The following EPRS1 variants were observed in gnomAD, a reference collection of about 807,000 sequenced individuals.
The protein encoded by EPRS1 is bifunctional glutamate/proline--tRNA ligase.
EPRS1 carries 107 observed loss-of-function variants against 188.3 expected under a neutral mutation model. That is an observed-to-expected ratio of 0.57 (90% CI 0.49 to 0.67). EPRS1 has a LOEUF of 0.67. EPRS1 is among the 30% of genes least tolerant of loss of function. The pLI, the probability that EPRS1 is intolerant of heterozygous loss-of-function variation, is 0.00. For synonymous variants in EPRS1, 596 were observed against 593.1 expected, an observed-to-expected ratio of 1.00 and a Z score of -0.07; for missense variants, 1,577 against 1,802.2, an observed-to-expected ratio of 0.88 and a Z score of 2.26.
intron 12 of EPRS1, among the ~76,000 whole-genome samples, chr1:220,011,548 G>A (rs1661604691): frequency 6.6e-6 from 1 of 152,090 alleles, no homozygotes; most frequent in Non-Finnish European, 1.5e-5. Flanking sequence ...ACTATAATAA[G>A]GCAATTCTAT....
intron 29 of EPRS1, 75 bp downstream of exon 29, chr1:219,973,163 A>C: frequency 1.5e-6 from 2 of 1,368,068 alleles, no homozygotes; most frequent in Non-Finnish European, 2.0e-6. Context: ...GGGCAACCCC[A>C]AAAATTCCTT....
intron 21 of EPRS1, 69 bp from the exon 22 acceptor site, chr1:219,983,467 T>G: frequency 9.0e-7 from 1 of 1,115,200 alleles, no homozygotes; most frequent in African/African-American, 1.6e-5. Flanking sequence ...GGCAAGAGTA[T>G]GATAACCAAA....
intron 12 of EPRS1, among the ~76,000 whole-genome samples, chr1:220,013,618 T>C (rs1035144566): frequency 1.3e-5 from 2 of 152,196 alleles, no homozygotes; most frequent in African/African-American, 4.8e-5. Context: ...CGGCGCTAAA[T>C]TTAGTTCACT....
chr1:219,991,525 G>A (rs1240676208), intron 18 of EPRS1, among the ~76,000 whole-genome samples: 1 of 152,162 alleles, frequency 6.6e-6, no homozygotes. Context: ...AGTGAGGGAA[G>A]AGAGTGATGA....
chr1:220,041,318 C>T (rs558177624), intron 1 of EPRS1, among the ~76,000 whole-genome samples: 7 of 150,154 alleles, frequency 4.7e-5, no homozygotes, highest in South Asian at 2.1e-4. Flanking sequence ...AATGACACAG[C>T]GAAACTGTCT....
chr1:220,041,078 C>A (rs1014367529), intron 1 of EPRS1, among the ~76,000 whole-genome samples: 17 of 152,054 alleles, frequency 1.1e-4, no homozygotes, highest in African/African-American at 3.4e-4. Flanking sequence ...AGCCTATAAT[C>A]CCAGCACTTT....
rs575772458 is a variant in EPRS1 at position 220,009,877 on chromosome 1, T to A, written c.1605+1069A>T. Among the ~76,000 whole-genome samples, 5 of 152,068 alleles carry A rather than the reference T, an allele frequency of 3.3e-5. No homozygotes were observed. In the East Asian group the frequency reaches 9.7e-4, roughly 29 times the overall value. The stretch of plus-strand genomic sequence containing the variant: ...GGGAGGATGAGGCAAGCAGATCATT[T>A]GAGGCCAGGAGTTCAAGACCAGCCT... On this transcript the variant is annotated intron_variant, in intron 13 of 31. Coordinates refer to ENST00000366923, the MANE Select transcript of EPRS1 (RefSeq NM_004446.3).
intron 8 of EPRS1, 68 bp from the exon 9 acceptor site, chr1:220,022,586 A>C (rs1661898715): frequency 8.1e-7 from 1 of 1,239,332 alleles, no homozygotes; most frequent in African/African-American, 1.5e-5. Flanking sequence ...ATAGTGCTAT[A>C]ATTTGATATA....
chr1:220,032,279 G>A (rs192979584), intron 5 of EPRS1, 108 bp downstream of exon 5: 20 of 749,940 alleles, frequency 2.7e-5, no homozygotes, highest in East Asian at 2.0e-4. Flanking sequence ...GCAGAGATGC[G>A]GTTTCACCGT....
At chr1:220,024,844 G>C (rs1181802812) in intron 7 of EPRS1, among the ~76,000 whole-genome samples, 1 of 152,088 alleles carries the variant, frequency 6.6e-6, no homozygotes, top group Non-Finnish European at 1.5e-5. Context: ...ATAAACTTAA[G>C]ATTATATGAC....
At position 219,989,789 on chromosome 1, in the gene EPRS1, A is replaced by C. The variant is rs541525222; in HGVS notation, c.2542-966T>G. Among the ~76,000 whole-genome samples, 3 of 152,146 alleles carry C rather than the reference A, an allele frequency of 2.0e-5. No individual in the cohort carries two copies. In the South Asian group the frequency reaches 6.2e-4, roughly 32 times the overall value. ...TACCAGGTACCACACAAAGGTAGTA[A>C]AATTAAGAGAAAATGTACAAAGAGA... On this transcript the variant is annotated intron_variant, in intron 18 of 31. Transcript: ENST00000366923.
chr1:219,983,967 T>C (rs1163044990), intron 21 of EPRS1, among the ~76,000 whole-genome samples: 1 of 151,544 alleles, frequency 6.6e-6, no homozygotes, highest in Admixed American at 6.6e-5. Context: ...TTTGAATTAA[T>C]CCCTTTATCT....
At chr1:220,042,493 AAAAAAAG>A (rs1457623262) in intron 1 of EPRS1, among the ~76,000 whole-genome samples, 6 of 151,750 alleles carry the variant, frequency 4.0e-5, no homozygotes, top group African/African-American at 1.5e-4. Context: ...TCCCAAAAAA[AAAAAAAG>A]AAAAAAGAAA....
intron 2 of EPRS1, 111 bp downstream of exon 2, chr1:220,040,074 G>T: frequency 1.5e-6 from 1 of 686,818 alleles, no homozygotes; most frequent in Admixed American, 2.7e-5. Context: ...TAGGTACAGT[G>T]AGCTATGATC....
rs138100361 is a variant in EPRS1, at chr1:220,040,764, C to T, written c.47-495G>A. On this transcript the variant is annotated intron_variant, in intron 1 of 31. Coordinates refer to ENST00000366923, the MANE Select transcript of EPRS1 (RefSeq NM_004446.3). Reference sequence around the variant, plus strand: ...ACTCGGGAGGCTGAGGCAGGAGAATCGCTTGAACCTGGGAGGTGGAGGTTG... The same window carrying T: ...ACTCGGGAGGCTGAGGCAGGAGAATTGCTTGAACCTGGGAGGTGGAGGTTG... Among the ~76,000 whole-genome samples, 25 of 151,410 alleles carry T rather than the reference C, an allele frequency of 1.7e-4. 1 individual carries two copies. The South Asian group carries it at 3.1e-3, about 19-fold the overall frequency.
At chr1:220,019,405 C>T (rs1057428025) in intron 10 of EPRS1, among the ~76,000 whole-genome samples, 1 of 152,018 alleles carries the variant, frequency 6.6e-6, no homozygotes, top group Non-Finnish European at 1.5e-5. Flanking sequence ...TTTCAAGGTC[C>T]CTATTCCACA....
At chr1:220,019,605 G>A (rs1661822548) in intron 10 of EPRS1, among the ~76,000 whole-genome samples, 2 of 152,124 alleles carry the variant, frequency 1.3e-5, no homozygotes, top group Admixed American at 6.5e-5. Context: ...TCTTCACTTC[G>A]ATTCAAGGGT....
intron 17 of EPRS1, among the ~76,000 whole-genome samples, chr1:220,000,587 T>G (rs1221849818): frequency 6.6e-6 from 1 of 152,220 alleles, no homozygotes; most frequent in Non-Finnish European, 1.5e-5. Context: ...GTAACTGGAT[T>G]TATTATTTTT....
rs144242617 is a variant in EPRS1 at position 220,002,329 on chromosome 1, C to T, written c.2064-1074G>A. ...CCTGGGCAACAGGAGAGAAACTCTGCCTCAATGGAAAAAAAAAAAGAAAAA... is the reference window on the plus strand; with the variant it reads ...CCTGGGCAACAGGAGAGAAACTCTGTCTCAATGGAAAAAAAAAAAGAAAAA... On this transcript the variant is annotated intron_variant, in intron 16 of 31. Transcript: ENST00000366923. 7.5e-3 allele frequency among the ~76,000 whole-genome samples: 932 copies of T among 124,336 alleles called. 4 individuals are homozygous for T. Among genetic ancestry groups the T allele is most frequent in the Middle Eastern group, 0.02 (5 of 246 alleles). The allele number at this position is 124,336 out of a possible 152,430, so 81.6% of individuals were successfully genotyped here. A position where few individuals can be genotyped will look rare whatever the true frequency, so the allele number is the denominator to read the frequency against.
Sources: allele counts gnomAD v4.1 joint callset (sites outside exome capture counted in the v4.1 genomes callset), GRCh38; gene constraint gnomAD v4.1.1; transcripts MANE v1.5; gene names NCBI Gene and HGNC (gene_info 2026-07-23, HGNC 2026-07-21).